Variants in TMOD3 observed in about 807,000 individuals in gnomAD.
The protein encoded by TMOD3 is tropomodulin 3.
Under a neutral mutation model 39.2 loss-of-function variants are expected in TMOD3, and 20 were observed. The observed-to-expected ratio is 0.51, with a 90% CI of 0.36 to 0.74. The LOEUF (loss-of-function observed/expected upper bound fraction) is 0.74. Ranked by LOEUF, TMOD3 falls within the 30% of genes least tolerant of loss-of-function variation. The pLI, the probability that TMOD3 is intolerant of heterozygous loss-of-function variation, is 0.00. For synonymous variants in TMOD3, 143 were observed against 145.8 expected, an observed-to-expected ratio of 0.98 and a Z score of 0.14; for missense variants, 381 against 412.8, an observed-to-expected ratio of 0.92 and a Z score of 0.67.
At chr15:51,893,978 C>T in intron 6 of TMOD3, 33 bp downstream of exon 6, 2 of 1,505,842 alleles carry the variant, frequency 1.3e-6, no homozygotes, top group South Asian at 2.7e-5. Flanking sequence ...TTTTGTATTG[C>T]TTTGAGTTAG....
chr15:51,869,897 AT>A (rs2056466380), intron 3 of TMOD3, among the ~76,000 whole-genome samples: 1 of 152,120 alleles, frequency 6.6e-6, no homozygotes, highest in Non-Finnish European at 1.5e-5. Context: ...GAGCTTATGT[AT>A]TCTCAGTGGA....
rs977815216 is a variant in TMOD3, at chr15:51,879,886, A to ACACACG, written c.284-7700_284-7699insACGCAC. On this transcript the variant is annotated intron_variant, in intron 3 of 9. Transcript: ENST00000308580. ...CACACACACACACACACACACACACACACGAAGAAGAAATTCTAGGAGCAA... is the reference window on the plus strand; with the variant it reads ...CACACACACACACACACACACACACACACACGCACGAAGAAGAAATTCTAGGAGCAA... Among the ~76,000 whole-genome samples the ACACACG allele has an allele frequency of 9.4e-3, 1,429 of 151,696 alleles. 37 individuals carry two copies. Among genetic ancestry groups the ACACACG allele is most frequent in the East Asian group, 0.073 (376 of 5,170 alleles).
chr15:51,879,364 T>C (rs1328862223), intron 3 of TMOD3, among the ~76,000 whole-genome samples: 1 of 152,036 alleles, frequency 6.6e-6, no homozygotes, highest in Admixed American at 6.6e-5. Context: ...GTTTTTTTTT[T>C]CTGATCTCAT....
intron 9 of TMOD3, among the ~76,000 whole-genome samples, chr15:51,908,095 G>T (rs913232751): frequency 1.3e-5 from 2 of 152,184 alleles, no homozygotes; most frequent in Admixed American, 1.3e-4. Flanking sequence ...CTATAAAAAT[G>T]ACAAAAATGT....
At chr15:51,893,681 C>T in intron 5 of TMOD3, 134 bp from the exon 6 acceptor site, 3 of 773,472 alleles carry the variant, frequency 3.9e-6, no homozygotes, top group Non-Finnish European at 5.4e-6. Context: ...AGGAGAATGG[C>T]TTGAACCCGG....
Position 51,914,670 on chromosome 15 carries a change from A to T in TMOD3, c.*5860A>T, listed in dbSNP as rs1487761738. 1.3e-5 allele frequency: 2 copies of T among 156,552 alleles called. No individual in the cohort carries two copies. Among genetic ancestry groups the T allele is most frequent in the Non-Finnish European group, 1.4e-5 (1 of 71,336 alleles). The allele number at this position is 156,552 out of a possible 1,614,324, so 9.7% of individuals were successfully genotyped here. On this transcript the variant is annotated 3_prime_UTR_variant, in exon 10 of 10. Coordinates refer to ENST00000308580, the MANE Select transcript of TMOD3 (RefSeq NM_014547.5). ...ACAGAGTGAGACTCCATCTCAAAAAAATATATGTATTAAGAAATACCACCA... is the reference window on the plus strand; with the variant it reads ...ACAGAGTGAGACTCCATCTCAAAAATATATATGTATTAAGAAATACCACCA...
chr15:51,908,612 GTT>G (rs543529390), intron 9 of TMOD3, among the ~76,000 whole-genome samples, 162 bp from the exon 10 acceptor site: 8 of 120,824 alleles, frequency 6.6e-5, no homozygotes, highest in Admixed American at 8.2e-5. Flanking sequence ...GAAGTAGGTT[GTT>G]TTTTTTTTTT....
intron 2 of TMOD3, among the ~76,000 whole-genome samples, chr15:51,864,495 C>T (rs2056435261): frequency 6.6e-6 from 1 of 152,054 alleles, no homozygotes. Flanking sequence ...ATGACACACA[C>T]TGAAACTACT....
At chr15:51,895,121 G>C (rs1008335201) in intron 6 of TMOD3, among the ~76,000 whole-genome samples, 3 of 152,122 alleles carry the variant, frequency 2.0e-5, no homozygotes, top group African/African-American at 7.2e-5. Context: ...TGAGCCTAGG[G>C]AAGGAAGCTT....
chr15:51,887,766 C>T (rs934564931), intron 4 of TMOD3, 55 bp downstream of exon 4: 9 of 1,603,852 alleles, frequency 5.6e-6, no homozygotes, highest in African/African-American at 1.3e-5. Flanking sequence ...GTGGGAAATA[C>T]CAGCACATAC....
rs2056532212 is a variant in TMOD3, at chr15:51,881,282, A to G, written c.284-6307A>G. On this transcript the variant is annotated intron_variant, in intron 3 of 9. Transcript: ENST00000308580. ...TCTCTTCAAATCTTCGCTTACTTTTAAACTGGGTTGTCCTTTTATTATTGA... is the reference window on the plus strand; with the variant it reads ...TCTCTTCAAATCTTCGCTTACTTTTGAACTGGGTTGTCCTTTTATTATTGA... Among the ~76,000 whole-genome samples the G allele has an allele frequency of 3.3e-5, 5 of 152,024 alleles. No individual in the cohort carries two copies. The South Asian group carries it at 1.0e-3, about 32-fold the overall frequency.
intron 5 of TMOD3, among the ~76,000 whole-genome samples, chr15:51,892,685 C>G (rs188439225): frequency 2.0e-5 from 3 of 152,286 alleles, no homozygotes. Flanking sequence ...ATGTGCCCTC[C>G]CATCACCTTA....
At chr15:51,856,018 T>G (rs1595894119) in intron 1 of TMOD3, among the ~76,000 whole-genome samples, 1 of 152,284 alleles carries the variant, frequency 6.6e-6, no homozygotes, top group East Asian at 1.9e-4. Context: ...ATCCCAGCAC[T>G]TTAGGAGGTC....
At chr15:51,837,356 C>A (rs193061321) in intron 1 of TMOD3, among the ~76,000 whole-genome samples, 2 of 152,020 alleles carry the variant, frequency 1.3e-5, no homozygotes, top group Non-Finnish European at 2.9e-5. Flanking sequence ...TATGATACAA[C>A]CCCCAAGATT....
chr15:51,843,033 A>C (rs569528658), intron 1 of TMOD3, among the ~76,000 whole-genome samples: 1 of 152,284 alleles, frequency 6.6e-6, no homozygotes, highest in East Asian at 1.9e-4. Flanking sequence ...ATTCATTCTT[A>C]CCAGCTGGGG....
chr15:51,866,779 G>A (rs1482290142), intron 2 of TMOD3, among the ~76,000 whole-genome samples: 1 of 152,156 alleles, frequency 6.6e-6, no homozygotes, highest in South Asian at 2.1e-4. Context: ...TAGACCCCAG[G>A]TACTATGCTA....
chr15:51,850,694 C>A (rs2056357056), intron 1 of TMOD3, among the ~76,000 whole-genome samples: 1 of 152,098 alleles, frequency 6.6e-6, no homozygotes, highest in East Asian at 1.9e-4. Context: ...CTTCATCTGC[C>A]ACCCTGGTGC....
chr15:51,844,881 T>C (rs908961131), intron 1 of TMOD3, among the ~76,000 whole-genome samples: 5 of 152,230 alleles, frequency 3.3e-5, no homozygotes, highest in African/African-American at 1.2e-4. Flanking sequence ...AACTTTTTTT[T>C]CCCCTCTACT....
chr15:51,905,893 G>A (rs1383951444), intron 9 of TMOD3, among the ~76,000 whole-genome samples: 2 of 132,694 alleles, frequency 1.5e-5, no homozygotes, highest in African/African-American at 3.0e-5. Context: ...GCAGTGAGCC[G>A]AGATTGCGCC....
Sources: gnomAD v4.1 joint callset for allele counts (sites outside exome capture counted in the v4.1 genomes callset) on GRCh38, gnomAD v4.1.1 for gene constraint, MANE v1.5 for transcripts, NCBI Gene and HGNC (gene_info 2026-07-23, HGNC 2026-07-21) for gene names.